The following GPC6 variants were observed in gnomAD, a reference collection of about 807,000 sequenced individuals.
GPC6 encodes the protein glypican-6.
Under a neutral mutation model 55.2 loss-of-function variants are expected in GPC6, and 14 were observed. That is an observed-to-expected ratio of 0.25 (90% CI 0.17 to 0.40). The LOEUF (loss-of-function observed/expected upper bound fraction) is 0.40, where lower values mean the gene tolerates loss of function less well. Ranked by LOEUF, GPC6 falls within the 10% of genes least tolerant of loss-of-function variation. The probability of loss-of-function intolerance (pLI) is 1.00; values close to 1 mark genes in which losing one functional copy is unlikely to be tolerated. For missense variants in GPC6, 641 were observed against 708.5 expected, an observed-to-expected ratio of 0.90 and a Z score of 1.08; for synonymous variants, 278 against 259.6, an observed-to-expected ratio of 1.07 and a Z score of -0.68.
intron 4 of GPC6, among the ~76,000 whole-genome samples, chr13:94,101,379 C>T (rs925530601): frequency 1.3e-5 from 2 of 152,184 alleles, no homozygotes; most frequent in African/African-American, 4.8e-5. Context: ...CTGAAAATCA[C>T]CACTTGAACT....
At chr13:93,817,969 CATAA>C (rs1886918478) in intron 2 of GPC6, among the ~76,000 whole-genome samples, 1 of 146,716 alleles carries the variant, frequency 6.8e-6, no homozygotes, top group Non-Finnish European at 1.5e-5. Flanking sequence ...ATATATAATA[CATAA>C]ATATATAAGT....
intron 2 of GPC6, among the ~76,000 whole-genome samples, chr13:93,746,636 C>T (rs1420574764): frequency 6.6e-6 from 1 of 152,100 alleles, no homozygotes; most frequent in Non-Finnish European, 1.5e-5. Context: ...GGAGGCAAAA[C>T]AACACCATAT....
At chr13:94,230,696 TGA>T (rs756273478) in intron 4 of GPC6, among the ~76,000 whole-genome samples, 33 of 152,300 alleles carry the variant, frequency 2.2e-4, no homozygotes, top group Admixed American at 4.6e-4. Context: ...AGAGGATTGT[TGA>T]GAGTGTTGCA....
chr13:93,961,570 C>T (rs1295466086), intron 3 of GPC6, among the ~76,000 whole-genome samples: 1 of 152,126 alleles, frequency 6.6e-6, no homozygotes, highest in Non-Finnish European at 1.5e-5. Flanking sequence ...CACAGAATAG[C>T]TTTTGAAATG....
chr13:94,244,395 C>A (rs187036319), intron 4 of GPC6, among the ~76,000 whole-genome samples: 11 of 152,214 alleles, frequency 7.2e-5, no homozygotes, highest in Admixed American at 7.2e-4. Context: ...AGTTTCACCA[C>A]CTGTGAAGTT....
chr13:93,526,426 C>A lies in GPC6; in HGVS notation c.161-18837C>A, dbSNP rs569638763. ...TATTATGCAAGGAATTGTGCAGGAG[C>A]CCTGAGAAGGCAAACTTAGTAATCC... is the stretch of plus-strand genomic sequence containing the variant. On this transcript the variant is annotated intron_variant, in intron 1 of 8. Coordinates refer to ENST00000377047, the MANE Select transcript of GPC6 (RefSeq NM_005708.5). Among the ~76,000 whole-genome samples the A allele has an allele frequency of 7.7e-4, 117 of 152,046 alleles. No homozygotes were observed. The Middle Eastern group carries it at 0.021, about 27-fold the overall frequency.
chr13:93,664,134 T>C (rs1260053965), intron 2 of GPC6, among the ~76,000 whole-genome samples: 1 of 152,114 alleles, frequency 6.6e-6, no homozygotes, highest in Non-Finnish European at 1.5e-5. Context: ...CAATAAAAAA[T>C]GATAAGGATA....
intron 1 of GPC6, among the ~76,000 whole-genome samples, chr13:93,379,215 A>C (rs537434633): frequency 1.3e-5 from 2 of 152,248 alleles, no homozygotes; most frequent in East Asian, 3.9e-4. Flanking sequence ...CTATATGTAC[A>C]TAATTTTCCA....
chr13:93,922,964 A>G (rs767202358), intron 3 of GPC6, among the ~76,000 whole-genome samples: 14 of 152,186 alleles, frequency 9.2e-5, no homozygotes, highest in Non-Finnish European at 1.5e-4. Flanking sequence ...GACCCCAACT[A>G]TCCAAACTGT....
At position 93,658,631 on chromosome 13, in the gene GPC6, A is replaced by G. The variant is rs375579097; in HGVS notation, c.319+113210A>G. Among the ~76,000 whole-genome samples the G allele has an allele frequency of 3.3e-5, 5 of 151,636 alleles. No individual in the cohort carries two copies. In the East Asian group the frequency reaches 7.7e-4, roughly 23 times the overall value. ...TAATAGTTTACATTGATTGATTTCA[A>G]ATATTGAAGCACTTTTGCCTTTCTT... is the stretch of plus-strand genomic sequence containing the variant. On this transcript the variant is annotated intron_variant, in intron 2 of 8. Coordinates refer to ENST00000377047, the MANE Select transcript of GPC6 (RefSeq NM_005708.5).
At chr13:93,288,690 G>T (rs1215167601) in intron 1 of GPC6, among the ~76,000 whole-genome samples, 1 of 152,110 alleles carries the variant, frequency 6.6e-6, no homozygotes, top group Non-Finnish European at 1.5e-5. Flanking sequence ...GTTGTATAGG[G>T]AATAAACATG....
intron 1 of GPC6, among the ~76,000 whole-genome samples, chr13:93,467,895 G>A (rs531823379): frequency 9.2e-5 from 14 of 152,056 alleles, no homozygotes; most frequent in Admixed American, 6.6e-4. Context: ...CCAGCCAAGC[G>A]GTGATTCTTG....
chr13:94,383,075 C>T (rs1880242405), intron 7 of GPC6, among the ~76,000 whole-genome samples: 1 of 152,128 alleles, frequency 6.6e-6, no homozygotes, highest in South Asian at 2.1e-4. Context: ...CCATCGGAAC[C>T]TCCTGACAAG....
At chr13:93,253,202 A>G (rs1018508796) in intron 1 of GPC6, among the ~76,000 whole-genome samples, 2 of 152,192 alleles carry the variant, frequency 1.3e-5, no homozygotes, top group African/African-American at 2.4e-5. Flanking sequence ...ATTTCCTGGG[A>G]GATAAAGAAG....
At chr13:93,749,706 C>T (rs1193267465) in intron 2 of GPC6, among the ~76,000 whole-genome samples, 2 of 151,568 alleles carry the variant, frequency 1.3e-5, no homozygotes, top group African/African-American at 2.4e-5. Flanking sequence ...ATGAACAACC[C>T]CAGGGAAAAA....
At chr13:94,303,993 T>C (rs1246162799) in intron 5 of GPC6, among the ~76,000 whole-genome samples, 1 of 152,220 alleles carries the variant, frequency 6.6e-6, no homozygotes, top group Non-Finnish European at 1.5e-5. Flanking sequence ...CCTTAGGCTT[T>C]ACATTTTTTA....
intron 4 of GPC6, among the ~76,000 whole-genome samples, chr13:94,194,596 C>T (rs528361274): frequency 3.3e-5 from 5 of 152,030 alleles, no homozygotes; most frequent in South Asian, 2.1e-4. Context: ...TTTGGAGACT[C>T]GGAGGGAAAG....
chr13:94,184,345 A>G (rs1889099104), intron 4 of GPC6, among the ~76,000 whole-genome samples: 1 of 152,176 alleles, frequency 6.6e-6, no homozygotes, highest in Admixed American at 6.5e-5. Flanking sequence ...ACTAGAGTAA[A>G]TAGACAACCT....
At chr13:93,536,839 A>G (rs1882082386) in intron 1 of GPC6, among the ~76,000 whole-genome samples, 1 of 152,172 alleles carries the variant, frequency 6.6e-6, no homozygotes, top group Non-Finnish European at 1.5e-5. Flanking sequence ...GTAAATGGTA[A>G]CTGTTCCTAA....
Sources: gnomAD v4.1 joint callset for allele counts (sites outside exome capture counted in the v4.1 genomes callset) on GRCh38, gnomAD v4.1.1 for gene constraint, MANE v1.5 for transcripts, NCBI Gene and HGNC (gene_info 2026-07-23, HGNC 2026-07-21) for gene names.